Variants in FAT4 observed in about 807,000 individuals in gnomAD.
FAT4 encodes the protein FAT atypical cadherin 4.
Under a neutral mutation model 303.9 loss-of-function variants are expected in FAT4, and 84 were observed. The observed-to-expected ratio is 0.28, with a 90% CI of 0.23 to 0.33. FAT4 has a LOEUF of 0.33. Among genes scored for constraint, FAT4 ranks in the 10% least tolerant of loss-of-function variants. The pLI is 1.00. For synonymous variants in FAT4, 2,307 were observed against 2,298.8 expected, an observed-to-expected ratio of 1.00 and a Z score of -0.10; for missense variants, 6,005 against 6,146.8, an observed-to-expected ratio of 0.98 and a Z score of 0.77.
chr4:125,343,176 G>A (rs1036052028), intron 2 of FAT4, among the ~76,000 whole-genome samples: 2 of 152,012 alleles, frequency 1.3e-5, no homozygotes, highest in African/African-American at 4.8e-5. Context: ...TGTAAATTGA[G>A]GTATGCTATT....
chr4:125,318,784 T>G lies in FAT4; in HGVS notation c.2373T>G (p.Pro791=). The part of the protein sequence containing the change: ...ITVLDTQDNP[P]VFSQVAYSFV... ...TATTGGACACTCAAGACAACCCACC[T>G]GTATTCAGTCAGGTTGCCTACAGCT... The change falls in exon 2 of 18, where the codon CCT becomes CCG. Residue 791 remains proline, a synonymous_variant. Transcript: ENST00000394329. 3 of 1,614,192 alleles carry G rather than the reference T, an allele frequency of 1.9e-6. No homozygotes were observed. The South Asian group carries it at 3.3e-5, about 18-fold the overall frequency.
intron 2 of FAT4, among the ~76,000 whole-genome samples, chr4:125,397,325 A>G (rs1370298471): frequency 2.6e-5 from 4 of 152,262 alleles, no homozygotes; most frequent in South Asian, 2.1e-4. Flanking sequence ...CATCTAGCTA[A>G]TAAGTGTCAG....
chr4:125,483,384 AG>A (rs1352311531), intron 16 of FAT4, among the ~76,000 whole-genome samples: 1 of 152,244 alleles, frequency 6.6e-6, no homozygotes, highest in Non-Finnish European at 1.5e-5. Context: ...TTATCTGTTA[AG>A]TTGCTTCCAA....
intron 3 of FAT4, among the ~76,000 whole-genome samples, chr4:125,406,062 T>G (rs1734593871): frequency 6.6e-6 from 1 of 152,164 alleles, no homozygotes; most frequent in South Asian, 2.1e-4. Flanking sequence ...TTATGTTGCT[T>G]GTTTTGGGAG....
intron 2 of FAT4, among the ~76,000 whole-genome samples, chr4:125,354,135 A>T (rs892512286): frequency 6.6e-6 from 1 of 151,756 alleles, no homozygotes; most frequent in African/African-American, 2.4e-5. Flanking sequence ...TTTTGGAAAA[A>T]TTCTGTAAAC....
chr4:125,448,168 G>A (rs1290860458), intron 9 of FAT4, among the ~76,000 whole-genome samples: 2 of 151,970 alleles, frequency 1.3e-5, no homozygotes, highest in East Asian at 1.9e-4. Flanking sequence ...ATTTTTGAAC[G>A]ATTAGCAAGT....
intron 8 of FAT4, among the ~76,000 whole-genome samples, chr4:125,442,404 T>G (rs1313423713): frequency 6.6e-6 from 1 of 152,124 alleles, no homozygotes; most frequent in African/African-American, 2.4e-5. Context: ...TGTTTTGAAT[T>G]TTTAGTCCCT....
At chr4:125,375,639 T>C (rs1358987052) in intron 2 of FAT4, among the ~76,000 whole-genome samples, 1 of 152,200 alleles carries the variant, frequency 6.6e-6, no homozygotes, top group Non-Finnish European at 1.5e-5. Flanking sequence ...GTTCAGTAAT[T>C]TTCTTTATCA....
chr4:125,416,727 C>T, intron 7 of FAT4, 105 bp downstream of exon 7: 3 of 1,150,606 alleles, frequency 2.6e-6, no homozygotes, highest in Non-Finnish European at 2.5e-6. Context: ...GGATGGATTA[C>T]TTGAGGTCGG....
At chr4:125,323,510 T>C (rs1204376240) in intron 2 of FAT4, among the ~76,000 whole-genome samples, 1 of 152,038 alleles carries the variant, frequency 6.6e-6, no homozygotes, top group Non-Finnish European at 1.5e-5. Context: ...AATGTGATGA[T>C]TTTTTTAATT....
chr4:125,454,872 G>A (rs992584651), intron 10 of FAT4, among the ~76,000 whole-genome samples: 4 of 152,150 alleles, frequency 2.6e-5, no homozygotes, highest in African/African-American at 9.7e-5. Flanking sequence ...ACACTGTGCA[G>A]TATTCAGTAA....
intron 16 of FAT4, among the ~76,000 whole-genome samples, chr4:125,484,037 C>T (rs1193418543): frequency 8.9e-6 from 1 of 112,450 alleles, no homozygotes; most frequent in Non-Finnish European, 1.7e-5. Context: ...ATCATTCTTT[C>T]TCTCTCTCTC....
intron 11 of FAT4, among the ~76,000 whole-genome samples, chr4:125,466,462 A>G: frequency 6.6e-6 from 1 of 151,770 alleles, no homozygotes. Context: ...TATTTCATTT[A>G]TATGCTTTAT....
chr4:125,430,779 T>C (rs1725257890), intron 7 of FAT4, among the ~76,000 whole-genome samples: 1 of 152,152 alleles, frequency 6.6e-6, no homozygotes, highest in Non-Finnish European at 1.5e-5. Context: ...CATATAGATG[T>C]AGAATCACCT....
chr4:125,417,602 G>A (rs138475176), intron 7 of FAT4, among the ~76,000 whole-genome samples: 14 of 152,248 alleles, frequency 9.2e-5, no homozygotes, highest in Admixed American at 7.9e-4. Context: ...GTTATGGAGG[G>A]TGAGCAATCA....
rs765970168 is a variant in FAT4 at position 125,434,468 on chromosome 4, A to G, written c.7199+43A>G. Reference sequence around the variant, plus strand: ...TGTAAAGTTTGTCTGTTTTCTCATTAAACATTAGTTTTTGAACTACATGAA... The same window carrying G: ...TGTAAAGTTTGTCTGTTTTCTCATTGAACATTAGTTTTTGAACTACATGAA... On this transcript the variant is annotated intron_variant, in intron 8 of 17. Coordinates refer to ENST00000394329, the MANE Select transcript of FAT4 (RefSeq NM_001291303.3). 9 of 1,564,810 alleles carry G rather than the reference A, an allele frequency of 5.8e-6. No homozygotes were observed. The African/African-American group carries it at 1.1e-4, about 19-fold the overall frequency.
intron 10 of FAT4, among the ~76,000 whole-genome samples, chr4:125,457,244 T>TC (rs1726314946): frequency 6.6e-6 from 1 of 151,990 alleles, no homozygotes; most frequent in Non-Finnish European, 1.5e-5. Context: ...AGAGACTTTA[T>TC]CCCCAGAATC....
At chr4:125,362,010 C>T (rs1361411846) in intron 2 of FAT4, among the ~76,000 whole-genome samples, 1 of 152,090 alleles carries the variant, frequency 6.6e-6, no homozygotes, top group Non-Finnish European at 1.5e-5. Context: ...CATGGGTAGA[C>T]TCTGGATCAG....
chr4:125,422,264 A>G (rs1020659618), intron 7 of FAT4, among the ~76,000 whole-genome samples: 14 of 152,228 alleles, frequency 9.2e-5, no homozygotes, highest in African/African-American at 3.4e-4. Context: ...ATCATTTTGC[A>G]TTAATTAAAA....
Sources: gnomAD v4.1 joint callset for allele counts (sites outside exome capture counted in the v4.1 genomes callset) on GRCh38, gnomAD v4.1.1 for gene constraint, MANE v1.5 for transcripts, NCBI Gene and HGNC (gene_info 2026-07-23, HGNC 2026-07-21) for gene names.